The following NFASC variants were observed in gnomAD, a reference collection of about 807,000 sequenced individuals.
NFASC encodes neurofascin, also known as neurofascin homolog.
A neutral mutation model predicts 147.5 loss-of-function variants in NFASC; 43 were observed. The ratio of observed to expected loss-of-function variants is 0.29; its 90% CI spans 0.23 to 0.38. The LOEUF (loss-of-function observed/expected upper bound fraction) is 0.38. Among genes scored for constraint, NFASC ranks in the 10% least tolerant of loss-of-function variants. The pLI is 1.00. For missense variants in NFASC, 1,320 were observed against 1,689.0 expected (o/e 0.78, Z 3.83); for synonymous variants, 622 against 665.5 (o/e 0.93, Z 1.01).
In NFASC at chr1:204,981,893, G is replaced by A. The variant is rs1442832186; in HGVS notation, c.2343G>A (p.Val781=). The change falls in exon 21 of 30, where the codon GTG becomes GTA. Residue 781 remains valine (V), a synonymous_variant. Transcript: ENST00000339876. ...ETREAWNNVT[V]WGSRYVVGQT... ...GAGAGGCCTGGAACAACGTCACAGT[G>A]TGGGGCTCTCGCTACGTGGTGGGGC... 20 of 1,608,766 alleles carry A rather than the reference G, an allele frequency of 1.2e-5. No homozygotes were observed. The highest frequency in any genetic ancestry group is 1.7e-5 in the Non-Finnish European group (20 of 1,177,794).
intron 27 of NFASC, among the ~76,000 whole-genome samples, chr1:205,006,606 T>C (rs2096117620): frequency 6.6e-6 from 1 of 152,052 alleles, no homozygotes. Flanking sequence ...TAATGAAAGG[T>C]GGCACCATTG....
chr1:204,828,810 G>A (rs1671335157), intron 1 of NFASC, 28 bp downstream of exon 1: 1 of 985,126 alleles, frequency 1.0e-6, no homozygotes, highest in Admixed American at 6.2e-5. Flanking sequence ...CCGGAGAGAT[G>A]GGGGTAGAGA....
intron 2 of NFASC, among the ~76,000 whole-genome samples, chr1:204,943,365 A>G (rs2093490739): frequency 6.6e-6 from 1 of 152,168 alleles, no homozygotes; most frequent in African/African-American, 2.4e-5. Context: ...TTGGACAACC[A>G]TTTTTAACAC....
intron 2 of NFASC, among the ~76,000 whole-genome samples, chr1:204,939,314 A>G (rs1384564169): frequency 2.6e-5 from 4 of 152,122 alleles, no homozygotes; most frequent in Non-Finnish European, 4.4e-5. Flanking sequence ...AACATATCAT[A>G]TGTAGAGTAT....
chr1:204,943,101 T>C (rs1255647827), intron 2 of NFASC, among the ~76,000 whole-genome samples: 3 of 152,304 alleles, frequency 2.0e-5, no homozygotes, highest in East Asian at 3.9e-4. Flanking sequence ...AGCAGGAGAA[T>C]GATGTGTCCA....
rs2095380720 is a variant in NFASC at position 204,975,548 on chromosome 1, C to CA, written c.1706+131dup. The CA allele has an allele frequency of 7.9e-7, 1 of 1,270,908 alleles. No homozygotes were observed. Among genetic ancestry groups the CA allele is most frequent in the African/African-American group, 1.5e-5 (1 of 67,270 alleles). 78.7% of individuals were successfully genotyped at this position (1,270,908 alleles called of 1,614,324 possible). A position where few individuals can be genotyped will look rare whatever the true frequency, so the allele number is the denominator to read the frequency against. ...CATGCATGTCACCAAGGAGCTTCTG[C>CA]AGAGGGGGTGATGGCCTGGGCAACT... On this transcript the variant is annotated intron_variant, in intron 15 of 29. Transcript: ENST00000339876. This position sits in a 1 kb window ranked among gnomAD's most constrained non-coding sequence, Gnocchi z 4.0.
At chr1:204,834,211 G>A (rs185671868) in intron 1 of NFASC, among the ~76,000 whole-genome samples, 254 of 151,922 alleles carry the variant, frequency 1.7e-3, no homozygotes, top group African/African-American at 3.5e-3. Flanking sequence ...AGTCTTACAG[G>A]AAAAGGACAT....
chr1:204,897,270 A>G (rs2083559635), intron 1 of NFASC, among the ~76,000 whole-genome samples: 1 of 152,130 alleles, frequency 6.6e-6, no homozygotes, highest in Non-Finnish European at 1.5e-5. Context: ...AGACAAGACA[A>G]TGACAGATGG....
intron 1 of NFASC, among the ~76,000 whole-genome samples, chr1:204,852,256 T>C (rs576591302): frequency 1.3e-5 from 2 of 152,314 alleles, no homozygotes; most frequent in East Asian, 3.9e-4. Flanking sequence ...CTCAGCACTT[T>C]GGGAGGCTGA....
intron 2 of NFASC, among the ~76,000 whole-genome samples, chr1:204,940,818 AC>A (rs1250042545): frequency 6.6e-6 from 1 of 152,218 alleles, no homozygotes; most frequent in African/African-American, 2.4e-5. Context: ...GTATATACAT[AC>A]TGGAATTTGT....
intron 3 of NFASC, 103 bp from the exon 4 acceptor site, chr1:204,950,454 G>A (rs1000902909): frequency 6.3e-5 from 68 of 1,079,404 alleles, no homozygotes; most frequent in Non-Finnish European, 8.4e-5. Context: ...GGCACACCCC[G>A]CCCACTCCCT....
At chr1:204,967,907 T>A (rs1558288556) in intron 8 of NFASC, 1 of 204,560 alleles carries the variant, frequency 4.9e-6, no homozygotes, top group Non-Finnish European at 1.0e-5. Flanking sequence ...CACAGTGGCC[T>A]CTGGGATCCC....
chr1:204,928,916 C>G (rs568328046), intron 2 of NFASC, among the ~76,000 whole-genome samples: 1 of 152,102 alleles, frequency 6.6e-6, no homozygotes, highest in Non-Finnish European at 1.5e-5. Context: ...GGTGTGAATA[C>G]GAGGTATTCA....
rs1344338967 is a variant in NFASC at position 205,010,006 on chromosome 1, C to T, written c.3421+318C>T. 3 of 309,266 alleles carry T rather than the reference C, an allele frequency of 9.7e-6. No homozygotes were observed. Among genetic ancestry groups the T allele is most frequent in the East Asian group, 6.5e-5 (1 of 15,394 alleles). The allele number at this position is 309,266 out of a possible 1,614,324, so 19.2% of individuals were successfully genotyped here. ...TCTGTTCTATAAATTGGCTTTTTTT[C>T]AGCCTGAATCTCATTAGGATCCTGT... On this transcript the variant is annotated intron_variant, in intron 28 of 29. Transcript: ENST00000339876. This position sits in a 1 kb window ranked among gnomAD's most constrained non-coding sequence, Gnocchi z 4.1.
At chr1:205,009,264 G>A (rs531393326) in intron 27 of NFASC, 10 of 486,930 alleles carry the variant, frequency 2.1e-5, no homozygotes, top group East Asian at 1.3e-4. Context: ...CAAGAATGCC[G>A]TGCTTCATCC....
rs568630754 is a variant in NFASC, at chr1:204,863,199, C to T, written c.-200+34417C>T. 3.9e-5 allele frequency among the ~76,000 whole-genome samples: 6 copies of T among 152,256 alleles called. No individual in the cohort carries two copies. In the East Asian group the frequency reaches 9.6e-4, roughly 24 times the overall value. The stretch of plus-strand genomic sequence containing the variant: ...TGACAGGGTCAGCGGAATTTCAGAG[C>T]CAAGAATAGATCCCCAGCTCCATGC... On this transcript the variant is annotated intron_variant, in intron 1 of 29. Coordinates refer to ENST00000339876, the MANE Select transcript of NFASC (RefSeq NM_001005388.3).
chr1:204,997,242 C>T lies in NFASC; in HGVS notation c.2855C>T (p.Ala952Val). Residue 952 changes from alanine to valine, a missense_variant, in exon 25 of 30, where the codon GCT becomes GTT. Transcript: ENST00000339876. ...AVSSTDATAI[A>V]ATTEATTVPI... ...AGCAGTACCGATGCTACTGCCATTGCTGCCACCACCGAAGCCACAACAGTC... is the reference window on the plus strand; with the variant it reads ...AGCAGTACCGATGCTACTGCCATTGTTGCCACCACCGAAGCCACAACAGTC... 6.2e-7 allele frequency: 1 copy of T among 1,613,246 alleles called. No homozygotes were observed. The highest frequency in any genetic ancestry group is 1.1e-5 in the South Asian group (1 of 91,082).
intron 1 of NFASC, among the ~76,000 whole-genome samples, chr1:204,896,160 A>G (rs1008755483): frequency 2.0e-5 from 3 of 152,172 alleles, no homozygotes; most frequent in Admixed American, 6.5e-5. Flanking sequence ...GAATGCAGAG[A>G]ACTGAGGTGC....
At chr1:204,915,783 G>A (rs927648548) in intron 1 of NFASC, among the ~76,000 whole-genome samples, 23 of 152,114 alleles carry the variant, frequency 1.5e-4, no homozygotes, top group African/African-American at 5.6e-4. Context: ...TTAGAAATAC[G>A]CCCTTATGGA....
Sources: gnomAD v4.1 joint callset for allele counts (sites outside exome capture counted in the v4.1 genomes callset) on GRCh38, gnomAD v4.1.1 for gene constraint, Gnocchi (gnomAD v3.1) non-coding constraint, MANE v1.5 for transcripts, NCBI Gene and HGNC (gene_info 2026-07-23, HGNC 2026-07-21) for gene names.